Variants in CERS4 observed in about 807,000 individuals in gnomAD.
The protein encoded by CERS4 is ceramide synthase 4.
In CERS4, 65 loss-of-function variants were observed where a neutral mutation model predicts 51.8. The ratio of observed to expected loss-of-function variants is 1.26; its 90% confidence interval spans 1.03 to 1.54. The LOEUF (loss-of-function observed/expected upper bound fraction) is 1.54. Ranked by LOEUF, CERS4 falls within the 40% of genes most tolerant of loss-of-function variation. CERS4 has a pLI of 0.00. For synonymous variants in CERS4, 228 were observed against 208.4 expected (o/e 1.09, Z -0.81); for missense variants, 563 against 500.4 (o/e 1.13, Z -1.19).
chr19:8,257,238 T>C (rs1969441124), intron 9 of CERS4, 161 bp downstream of exon 9: 1 of 749,674 alleles, frequency 1.3e-6, no homozygotes, highest in Admixed American at 2.8e-5. Context: ...TCTTCCAGGC[T>C]GATAAGGCCC....
chr19:8,237,802 G>C (rs1205754942), intron 2 of CERS4, among the ~76,000 whole-genome samples: 3 of 152,136 alleles, frequency 2.0e-5, no homozygotes, highest in African/African-American at 7.2e-5. Flanking sequence ...AGTGAGCCGA[G>C]ATTGCGCCAC....
At position 8,261,988 on chromosome 19, in the gene CERS4, C is replaced by T. The variant is rs756849017; in HGVS notation, c.1064C>T (p.Ala355Val). Residue 355 changes from alanine to valine, a missense_variant, in exon 12 of 12, where the codon GCG becomes GTG. Physicochemically the swap from Ala to Val is moderately conservative, Grantham distance 64. Transcript: ENST00000251363. ...EESDSSEEAA[A>V]AQEPLQLKNG... Reference sequence around the variant, plus strand: ...TCAGACTCCAGTGAGGAGGCGGCGGCGGCCCAGGAACCTCTGCAGCTAAAG... The same window carrying T: ...TCAGACTCCAGTGAGGAGGCGGCGGTGGCCCAGGAACCTCTGCAGCTAAAG... 6 of 1,596,586 alleles carry T rather than the reference C, an allele frequency of 3.8e-6. No individual in the cohort carries two copies. Among genetic ancestry groups the T allele is most frequent in the Non-Finnish European group, 2.6e-6 (3 of 1,172,042 alleles).
intron 4 of CERS4, 123 bp downstream of exon 4, chr19:8,254,739 C>T (rs992345896): frequency 1.8e-5 from 14 of 785,770 alleles, no homozygotes; most frequent in Non-Finnish European, 2.5e-5. Context: ...CTGCAATGCC[C>T]CTACTTTCCA....
In CERS4 at chr19:8,254,550, G is replaced by A. The variant is rs140317537; in HGVS notation, c.225G>A (p.Arg75=). ...SRWLGVRDQT[R]RQVKPNATLE... is the part of the protein sequence containing the mutation. ...GGCTGGGTGTGAGGGATCAGACCAGGAGGCAAGTGAAGCCCAACGCCACGC... is the reference window on the plus strand; with the variant it reads ...GGCTGGGTGTGAGGGATCAGACCAGAAGGCAAGTGAAGCCCAACGCCACGC... The change falls in exon 4 of 12, where the codon AGG becomes AGA. Residue 75 remains arginine (R), a synonymous_variant. Coordinates refer to ENST00000251363, the MANE Select transcript of CERS4 (RefSeq NM_024552.3). The A allele has an allele frequency of 5.0e-6, 8 of 1,613,640 alleles. No individual in the cohort carries two copies. In the African/African-American group the frequency reaches 1.1e-4, roughly 22 times the overall value.
Position 8,254,513 on chromosome 19 carries a change from C to T in CERS4, c.188C>T (p.Pro63Leu). 9 of 1,613,732 alleles carry T rather than the reference C, an allele frequency of 5.6e-6. No individual in the cohort carries two copies. The highest frequency in any genetic ancestry group is 7.6e-6 in the Non-Finnish European group (9 of 1,179,960). The change falls in exon 4 of 12, where the codon CCC becomes CTC. Residue 63 changes from proline to leucine, a missense_variant. Coordinates refer to ENST00000251363, the MANE Select transcript of CERS4 (RefSeq NM_024552.3). ...TTTGCACCCAGATTCATTGGCCTGC[C>T]CCTGAGCCGGTGGCTGGGTGTGAGG... ...RLAFERFIGL[P>L]LSRWLGVRDQ...
intron 3 of CERS4, among the ~76,000 whole-genome samples, chr19:8,254,184 G>A (rs1316364150): frequency 2.6e-5 from 4 of 151,444 alleles, no homozygotes; most frequent in African/African-American, 7.3e-5. Flanking sequence ...TTAGCCGGGC[G>A]TAGTGGCGGG....
At chr19:8,255,923 A>G (rs775946808) in intron 6 of CERS4, 44 bp downstream of exon 6, 2 of 1,601,132 alleles carry the variant, frequency 1.2e-6, no homozygotes, top group Non-Finnish European at 1.7e-6. Context: ...TGCCCCATCC[A>G]CCTGGCCTAG....
chr19:8,226,314 A>G (rs998492381), intron 2 of CERS4, among the ~76,000 whole-genome samples: 2 of 152,184 alleles, frequency 1.3e-5, no homozygotes, highest in Non-Finnish European at 2.9e-5. Flanking sequence ...CTGGGATGGT[A>G]CCAACGCTAT....
At chr19:8,220,072 C>T (rs1241933450) in intron 2 of CERS4, among the ~76,000 whole-genome samples, 1 of 152,100 alleles carries the variant, frequency 6.6e-6, no homozygotes, top group Non-Finnish European at 1.5e-5. Flanking sequence ...GTTTTCCTCC[C>T]TCTCGGATGA....
chr19:8,229,783 T>G (rs1482277575), intron 2 of CERS4, among the ~76,000 whole-genome samples: 1 of 152,184 alleles, frequency 6.6e-6, no homozygotes, highest in Non-Finnish European at 1.5e-5. Flanking sequence ...CAGGACTCAC[T>G]ATAGCCTCAA....
intron 9 of CERS4, among the ~76,000 whole-genome samples, 176 bp from the exon 10 acceptor site, chr19:8,257,703 T>C (rs138684061): frequency 6.6e-6 from 1 of 152,318 alleles, no homozygotes; most frequent in Non-Finnish European, 1.5e-5. Flanking sequence ...GTGCTGGGAT[T>C]ACAGGCGTGA....
intron 4 of CERS4, 77 bp from the exon 5 acceptor site, chr19:8,255,530 G>C: frequency 7.6e-7 from 1 of 1,312,596 alleles, no homozygotes; most frequent in Admixed American, 2.0e-5. Context: ...AGAGGGCAGA[G>C]CCAAGTCCTG....
chr19:8,246,223 C>T (rs1048781510), intron 2 of CERS4, among the ~76,000 whole-genome samples: 6 of 152,036 alleles, frequency 3.9e-5, no homozygotes, highest in Admixed American at 3.9e-4. Flanking sequence ...CTGGATTAGT[C>T]AGGTACATAG....
At chr19:8,249,609 T>TTTTTTG (rs1968970797) in intron 2 of CERS4, among the ~76,000 whole-genome samples, 1 of 142,902 alleles carries the variant, frequency 7.0e-6, no homozygotes, top group African/African-American at 2.7e-5. Context: ...TTTTTTTTTT[T>TTTTTTG]GAGACAGAGT....
chr19:8,220,964 G>T (rs904449824), intron 2 of CERS4, among the ~76,000 whole-genome samples: 1 of 151,784 alleles, frequency 6.6e-6, no homozygotes, highest in Non-Finnish European at 1.5e-5. Context: ...TGGGACTATA[G>T]GCGCCCGCCA....
At chr19:8,235,992 A>G (rs10410447) in intron 2 of CERS4, among the ~76,000 whole-genome samples, 152,158 of 152,196 alleles carry the variant, frequency 1, 76,060 homozygotes, top group Middle Eastern at 1. Context: ...TCAGGAGATC[A>G]AGACCATCCT....
At chr19:8,221,730 T>G (rs1967551519) in intron 2 of CERS4, among the ~76,000 whole-genome samples, 1 of 151,102 alleles carries the variant, frequency 6.6e-6, no homozygotes, top group Non-Finnish European at 1.5e-5. Context: ...AGACGAGGCT[T>G]CACCATGCTG....
At chr19:8,222,796 C>T (rs1967619862) in intron 2 of CERS4, among the ~76,000 whole-genome samples, 1 of 152,182 alleles carries the variant, frequency 6.6e-6, no homozygotes, top group East Asian at 1.9e-4. Flanking sequence ...CTGTGCCTGG[C>T]CAGCACGAGC....
chr19:8,253,271 G>A (rs1359586663), intron 3 of CERS4, among the ~76,000 whole-genome samples: 1 of 152,114 alleles, frequency 6.6e-6, no homozygotes, highest in African/African-American at 2.4e-5. Context: ...AGCGGGAACA[G>A]CCCCAGCCCC....
Sources: allele counts gnomAD v4.1 joint callset (sites outside exome capture counted in the v4.1 genomes callset), GRCh38; gene constraint gnomAD v4.1.1; transcripts MANE v1.5; gene names NCBI Gene and HGNC (gene_info 2026-07-23, HGNC 2026-07-21).